RYR2: variants seen among roughly 807,000 people sequenced by gnomAD.
RYR2 encodes cardiac muscle ryanodine receptor-calcium release channel.
Under a neutral mutation model 601.1 loss-of-function variants are expected in RYR2, and 227 were observed. The observed-to-expected ratio is 0.38, with a 90% CI of 0.34 to 0.42. The LOEUF (loss-of-function observed/expected upper bound fraction) is 0.42. RYR2 is among the 10% of genes least tolerant of loss of function. The pLI, the probability that RYR2 is intolerant of heterozygous loss-of-function variation, is 1.00. For synonymous variants in RYR2, 2,223 were observed against 2,175.1 expected, an observed-to-expected ratio of 1.02 and a Z score of -0.61; for missense variants, 4,646 against 6,156.5, an observed-to-expected ratio of 0.75 and a Z score of 8.21.
At chr1:237,237,814 T>C (rs1226356617) in intron 1 of RYR2, among the ~76,000 whole-genome samples, 2 of 152,108 alleles carry the variant, frequency 1.3e-5, no homozygotes, top group Non-Finnish European at 2.9e-5. Flanking sequence ...CCATCTGTTA[T>C]CTCTGAAACT....
At chr1:237,088,310 C>A (rs1666582322) in intron 1 of RYR2, among the ~76,000 whole-genome samples, 1 of 152,156 alleles carries the variant, frequency 6.6e-6, no homozygotes. Context: ...CCTGTGACCA[C>A]CACTCATGAA....
chr1:237,717,235 G>A lies in RYR2; in HGVS notation c.10361G>A (p.Arg3454His), dbSNP rs1229045575. ...GATCAGGAAAGGAAGAAAATGAAGC[G>A]CAAAGGAGATCGGTATTCCATGCAG... Reference protein sequence around the residue: ...VSDQERKKMKRKGDRYSMQTS... With the variant: ...VSDQERKKMKHKGDRYSMQTS... The change falls in exon 72 of 105, where the codon CGC becomes CAC. Residue 3454 changes from arginine to histidine, a missense_variant. Physicochemically the swap from Arg to His is conservative, Grantham distance 29. Coordinates refer to ENST00000366574, the MANE Select transcript of RYR2 (RefSeq NM_001035.3). The A allele has an allele frequency of 5.6e-6, 9 of 1,613,422 alleles. No individual in the cohort carries two copies. Among genetic ancestry groups the A allele is most frequent in the Middle Eastern group, 1.6e-4 (1 of 6,084 alleles).
At chr1:237,387,103 T>C (rs1225124350) in intron 8 of RYR2, among the ~76,000 whole-genome samples, 178 bp from the exon 9 acceptor site, 1 of 152,240 alleles carries the variant, frequency 6.6e-6, no homozygotes, top group Non-Finnish European at 1.5e-5. Context: ...AATCCGTAAA[T>C]TCAGAGAGGA....
chr1:237,170,091 G>A (rs1294794691), intron 1 of RYR2, among the ~76,000 whole-genome samples: 1 of 152,016 alleles, frequency 6.6e-6, no homozygotes, highest in African/African-American at 2.4e-5. Context: ...AAGCAAACAA[G>A]GTATTTGCAG....
In RYR2 at chr1:237,819,234, T is replaced by G; in HGVS notation, c.14590+42T>G. 6.4e-7 allele frequency: 1 copy of G among 1,564,152 alleles called. No individual in the cohort carries two copies. Among genetic ancestry groups the G allele is most frequent in the Non-Finnish European group, 8.8e-7 (1 of 1,137,964 alleles). On this transcript the variant is annotated intron_variant, in intron 101 of 104. Coordinates refer to ENST00000366574, the MANE Select transcript of RYR2 (RefSeq NM_001035.3). The surrounding 1 kb of genome is among the most constrained non-coding windows in gnomAD (Gnocchi z 4.0). ...CTGAAGCTGATGAACATCTAGAATTTGAGCCACATGTTGCTGAAGTTAATA... is the reference window on the plus strand; with the variant it reads ...CTGAAGCTGATGAACATCTAGAATTGGAGCCACATGTTGCTGAAGTTAATA...
rs1377623155 is a variant in RYR2, at chr1:237,061,283, CTATCTATCT to C, written c.48+18715_48+18723del. On this transcript the variant is annotated intron_variant, in intron 1 of 104. Transcript: ENST00000366574. ...ATCTATCTATCCATCTATCATCTAT[CTATCTATCT>C]ATCTATCTATCTATCTATCTATCTA... Among the ~76,000 whole-genome samples the C allele has an allele frequency of 1.3e-3, 49 of 38,574 alleles. 1 individual carries two copies. Among genetic ancestry groups the C allele is most frequent in the South Asian group, 7.0e-3 (8 of 1,150 alleles). 25.3% of individuals were successfully genotyped at this position (38,574 alleles called of 152,430 possible).
rs1521748 is a variant in RYR2 at position 237,733,578 on chromosome 1, G to A, written c.11040-127G>A. 2.2e-3 allele frequency: 1,497 copies of A among 692,828 alleles called. 22 individuals are homozygous for A. The African/African-American group carries it at 0.023, about 11-fold the overall frequency. 42.9% of individuals were successfully genotyped at this position (692,828 alleles called of 1,614,324 possible). On this transcript the variant is annotated intron_variant, in intron 78 of 104. Coordinates refer to ENST00000366574, the MANE Select transcript of RYR2 (RefSeq NM_001035.3). Reference sequence around the variant, plus strand: ...TATCCTAATATTGTCTTAGTTTTGTGTTCATTTAATTTTAAAAAGGTATAC... The same window carrying A: ...TATCCTAATATTGTCTTAGTTTTGTATTCATTTAATTTTAAAAAGGTATAC...
chr1:237,831,038 TA>T (rs1394568320), intron 103 of RYR2, among the ~76,000 whole-genome samples: 4 of 152,144 alleles, frequency 2.6e-5, no homozygotes, highest in African/African-American at 4.8e-5. Context: ...AAGCTGCATT[TA>T]AAAAAATATT....
intron 1 of RYR2, among the ~76,000 whole-genome samples, chr1:237,248,475 A>G (rs1224166086): frequency 1.3e-5 from 2 of 152,084 alleles, no homozygotes; most frequent in Admixed American, 1.3e-4. Context: ...CATCACCCAG[A>G]GATTCCCAGG....
intron 3 of RYR2, among the ~76,000 whole-genome samples, chr1:237,336,668 C>T (rs966780272): frequency 6.6e-5 from 10 of 151,212 alleles, no homozygotes; most frequent in Non-Finnish European, 1.5e-4. Context: ...CCAGCCTGGC[C>T]AATGTGGAGA....
chr1:237,752,967 A>G (rs1410238755), intron 80 of RYR2, among the ~76,000 whole-genome samples: 1 of 152,178 alleles, frequency 6.6e-6, no homozygotes, highest in Admixed American at 6.5e-5. Flanking sequence ...ACACTTGTTG[A>G]AGTCATGGAA....
Position 237,669,669 on chromosome 1 carries a change from G to A in RYR2, c.8590+1711G>A, listed in dbSNP as rs866336143. Among the ~76,000 whole-genome samples, 225 of 151,610 alleles carry A rather than the reference G, an allele frequency of 1.5e-3. 4 individuals carry two copies. The Middle Eastern group carries it at 0.017, about 12-fold the overall frequency. On this transcript the variant is annotated intron_variant, in intron 58 of 104. Transcript: ENST00000366574. The stretch of plus-strand genomic sequence containing the variant: ...CCAGACGGGGCGGCAGGGCAGAGGC[G>A]GTCCCCACATCTCAGAGGATGGGCG...
Position 237,550,108 on chromosome 1 carries a change from A to T in RYR2, c.3067-436A>T, listed in dbSNP as rs990694411. Among the ~76,000 whole-genome samples the T allele has an allele frequency of 2.6e-5, 4 of 152,182 alleles. No individual in the cohort carries two copies. In the South Asian group the frequency reaches 8.3e-4, roughly 32 times the overall value. On this transcript the variant is annotated intron_variant, in intron 26 of 104. Transcript: ENST00000366574. ...GAAGGGTGGTCCATAACACGCTGGA[A>T]TTTTTTGAAGAAGGGAAAGCAGCCT...
At position 237,170,119 on chromosome 1, in the gene RYR2, AG is replaced by A. The variant is rs569380945; in HGVS notation, c.49-100377del. ...ATTTGCAGGCAGCATTTTGTTGTAA[AG>A]AAAAAAAAGAAAAACACATGGTAAT... On this transcript the variant is annotated intron_variant, in intron 1 of 104. Coordinates refer to ENST00000366574, the MANE Select transcript of RYR2 (RefSeq NM_001035.3). Among the ~76,000 whole-genome samples, 531 of 152,344 alleles carry A rather than the reference AG, an allele frequency of 3.5e-3. 3 individuals are homozygous for A. Among genetic ancestry groups the A allele is most frequent in the African/African-American group, 0.012 (504 of 41,576 alleles).
At chr1:237,652,045 A>G (rs1682814375) in intron 51 of RYR2, among the ~76,000 whole-genome samples, 2 of 152,210 alleles carry the variant, frequency 1.3e-5, no homozygotes, top group South Asian at 4.1e-4. Context: ...AAAAAAGAAA[A>G]AAAGGACCAC....
intron 10 of RYR2, among the ~76,000 whole-genome samples, chr1:237,396,199 A>C (rs1180223794): frequency 3.3e-5 from 5 of 152,198 alleles, no homozygotes; most frequent in Non-Finnish European, 2.9e-5. Context: ...CGGGGAAAGA[A>C]AGCCATCTTA....
intron 3 of RYR2, among the ~76,000 whole-genome samples, chr1:237,353,270 T>C (rs1241718942): frequency 6.6e-6 from 1 of 151,984 alleles, no homozygotes; most frequent in African/African-American, 2.4e-5. Context: ...AAAATATGAA[T>C]GCACGAGATG....
chr1:237,418,299 C>A (rs890648385), intron 11 of RYR2, among the ~76,000 whole-genome samples: 1 of 152,170 alleles, frequency 6.6e-6, no homozygotes, highest in African/African-American at 2.4e-5. Flanking sequence ...GCCTCGGCCT[C>A]CCAAAGTGCT....
intron 5 of RYR2, among the ~76,000 whole-genome samples, chr1:237,368,093 A>G (rs7551196): frequency 0.31 from 46,614 of 151,900 alleles, 7,859 homozygotes; most frequent in East Asian, 0.43. Context: ...CTTCATAGAG[A>G]AGGTAGTCTT....
Sources: gnomAD v4.1 joint callset for allele counts (sites outside exome capture counted in the v4.1 genomes callset) on GRCh38, gnomAD v4.1.1 for gene constraint, Gnocchi (gnomAD v3.1) non-coding constraint, MANE v1.5 for transcripts, NCBI Gene and HGNC (gene_info 2026-07-23, HGNC 2026-07-21) for gene names.